The following LRRTM4 variants were observed in gnomAD, a reference collection of about 807,000 sequenced individuals.
LRRTM4 encodes leucine rich repeat transmembrane neuronal 4.
LRRTM4 carries 25 observed loss-of-function variants against 47.6 expected under a neutral mutation model. The ratio of observed to expected loss-of-function variants is 0.53; its 90% CI spans 0.38 to 0.73. The LOEUF (loss-of-function observed/expected upper bound fraction) is 0.73. Among genes scored for constraint, LRRTM4 ranks in the 30% least tolerant of loss-of-function variants. The pLI is 0.00. For synonymous variants in LRRTM4, 311 were observed against 269.5 expected (o/e 1.15, Z -1.51); for missense variants, 638 against 713.4 (o/e 0.89, Z 1.20).
intron 3 of LRRTM4, among the ~76,000 whole-genome samples, chr2:77,068,845 G>A (rs1189669961): frequency 2.0e-5 from 3 of 152,228 alleles, no homozygotes; most frequent in South Asian, 4.1e-4. Flanking sequence ...TACGCTGGAA[G>A]GTTGTGGGTT....
At chr2:77,267,232 GA>G (rs1265478353) in intron 3 of LRRTM4, among the ~76,000 whole-genome samples, 1 of 152,170 alleles carries the variant, frequency 6.6e-6, no homozygotes, top group African/African-American at 2.4e-5. Flanking sequence ...TACTAATCTA[GA>G]AAGGCCACTT....
At chr2:76,913,914 CCT>C (rs1674157655) in intron 3 of LRRTM4, among the ~76,000 whole-genome samples, 1 of 151,778 alleles carries the variant, frequency 6.6e-6, no homozygotes, top group African/African-American at 2.4e-5. Context: ...AGGAAACTTC[CCT>C]TTTTTAGAGC....
At chr2:77,247,023 A>G (rs1209114683) in intron 3 of LRRTM4, among the ~76,000 whole-genome samples, 2 of 152,054 alleles carry the variant, frequency 1.3e-5, no homozygotes, top group Non-Finnish European at 2.9e-5. Context: ...TATTTTTAAT[A>G]CTTTCAAAAT....
intron 3 of LRRTM4, among the ~76,000 whole-genome samples, chr2:77,405,325 G>T (rs1020791316): frequency 6.6e-6 from 1 of 152,040 alleles, no homozygotes; most frequent in African/African-American, 2.4e-5. Flanking sequence ...TGAAGTGGGG[G>T]TGGAGGTCAC....
intron 3 of LRRTM4, among the ~76,000 whole-genome samples, chr2:76,768,040 AATTG>A (rs1156470846): frequency 2.0e-5 from 3 of 152,162 alleles, no homozygotes; most frequent in African/African-American, 4.8e-5. Context: ...TTTGTGACAT[AATTG>A]ATTGATTCTT....
At chr2:76,778,961 T>G (rs1674190992) in intron 3 of LRRTM4, among the ~76,000 whole-genome samples, 1 of 150,564 alleles carries the variant, frequency 6.6e-6, no homozygotes, top group Admixed American at 6.6e-5. Flanking sequence ...GTATGTTGTG[T>G]CTTTGTTTTC....
intron 3 of LRRTM4, among the ~76,000 whole-genome samples, chr2:76,819,646 T>A (rs1281139036): frequency 6.6e-6 from 1 of 152,042 alleles, no homozygotes; most frequent in South Asian, 2.1e-4. Context: ...ACAGTAATAC[T>A]TGCTTACTTT....
chr2:77,450,223 G>T (rs1000444248), intron 3 of LRRTM4, among the ~76,000 whole-genome samples: 2 of 151,382 alleles, frequency 1.3e-5, no homozygotes, highest in Non-Finnish European at 2.9e-5. Flanking sequence ...CAACAGCTTA[G>T]GAGTTATATA....
At chr2:77,419,140 T>C (rs1383924724) in intron 3 of LRRTM4, among the ~76,000 whole-genome samples, 7 of 152,162 alleles carry the variant, frequency 4.6e-5, no homozygotes. Flanking sequence ...CATAAATACA[T>C]TATTTTTGTC....
chr2:76,930,455 C>T (rs572640463), intron 3 of LRRTM4, among the ~76,000 whole-genome samples: 3 of 152,246 alleles, frequency 2.0e-5, no homozygotes, highest in African/African-American at 7.2e-5. Context: ...CACATATTGG[C>T]TCTTTTGATG....
intron 3 of LRRTM4, among the ~76,000 whole-genome samples, chr2:77,387,578 A>G (rs963940491): frequency 1.3e-4 from 20 of 152,254 alleles, no homozygotes; most frequent in African/African-American, 4.8e-4. Context: ...GGGGTGGACA[A>G]GGGGAGCCCA....
intron 3 of LRRTM4, among the ~76,000 whole-genome samples, chr2:77,402,749 G>T (rs534640732): frequency 1.3e-5 from 2 of 152,000 alleles, no homozygotes; most frequent in Middle Eastern, 3.4e-3. Flanking sequence ...GACCCTGCTT[G>T]ATTCAGATCC....
chr2:77,395,896 G>A (rs2103824096), intron 3 of LRRTM4, among the ~76,000 whole-genome samples: 1 of 151,940 alleles, frequency 6.6e-6, no homozygotes, highest in Admixed American at 6.6e-5. Flanking sequence ...TTCTTAAGTG[G>A]TCCACTTTTC....
chr2:77,006,417 G>C (rs1677650376), intron 3 of LRRTM4, among the ~76,000 whole-genome samples: 1 of 152,124 alleles, frequency 6.6e-6, no homozygotes, highest in African/African-American at 2.4e-5. Context: ...TATGACCTAG[G>C]AATATTATCA....
intron 3 of LRRTM4, among the ~76,000 whole-genome samples, chr2:77,431,566 A>G (rs932143152): frequency 6.7e-6 from 1 of 149,008 alleles, no homozygotes; most frequent in Non-Finnish European, 1.5e-5. Flanking sequence ...AACTCACTCC[A>G]GCATCAACTC....
intron 3 of LRRTM4, among the ~76,000 whole-genome samples, chr2:77,502,537 T>C (rs551673956): frequency 1.3e-5 from 2 of 151,750 alleles, no homozygotes. Context: ...GGCAGAAAAT[T>C]TTTTAAAAAG....
At chr2:77,362,115 G>GAGAAAGAAAGAAAGAAAGAAAGAAA (rs1672241228) in intron 3 of LRRTM4, among the ~76,000 whole-genome samples, 1 of 98,774 alleles carries the variant, frequency 1.0e-5, no homozygotes, top group Non-Finnish European at 1.9e-5. Flanking sequence ...GAAAGAAAGA[G>GAGAAAGAAAGAAAGAAAGAAAGAAA]AGAAAGAAAG....
chr2:77,223,515 AG>A (rs1360248235), intron 3 of LRRTM4, among the ~76,000 whole-genome samples: 4 of 152,216 alleles, frequency 2.6e-5, no homozygotes, highest in Admixed American at 2.6e-4. Context: ...GCAAAGTCTC[AG>A]GATACAAAAT....
rs535852442 is a variant in LRRTM4, at chr2:77,060,119, A to T, written c.1552-311203T>A. On this transcript the variant is annotated intron_variant, in intron 3 of 3. Transcript: ENST00000409884. ...TGCAAACTATTTCATGGTAGAGAAC[A>T]ACTGGAGTCAGTTTGTCTGGATTCT... Among the ~76,000 whole-genome samples, 7 of 152,336 alleles carry T rather than the reference A, an allele frequency of 4.6e-5. 1 individual carries two copies. Among genetic ancestry groups the T allele is most frequent in the African/African-American group, 1.7e-4 (7 of 41,590 alleles).
Sources: gnomAD v4.1 joint callset for allele counts (sites outside exome capture counted in the v4.1 genomes callset) on GRCh38, gnomAD v4.1.1 for gene constraint, MANE v1.5 for transcripts, NCBI Gene and HGNC (gene_info 2026-07-23, HGNC 2026-07-21) for gene names.